The following VPS13D variants were observed in gnomAD, a reference collection of about 807,000 sequenced individuals.
VPS13D encodes the protein vacuolar protein sorting 13 homolog D, also known as intermembrane lipid transfer protein VPS13D.
A neutral mutation model predicts 461.9 loss-of-function variants in VPS13D; 187 were observed. The observed-to-expected ratio is 0.40, with a 90% confidence interval of 0.36 to 0.46. The LOEUF (loss-of-function observed/expected upper bound fraction) is 0.46, where lower values mean the gene tolerates loss of function less well. Ranked by LOEUF, VPS13D falls within the 20% of genes least tolerant of loss-of-function variation. The pLI, the probability that VPS13D is intolerant of heterozygous loss-of-function variation, is 0.60. For missense variants in VPS13D, 4,711 were observed against 5,364.9 expected (o/e 0.88, Z 3.81); for synonymous variants, 1,951 against 1,986.3 (o/e 0.98, Z 0.47).
intron 2 of VPS13D, 74 bp from the exon 3 acceptor site, chr1:12,242,439 C>A: frequency 7.4e-7 from 1 of 1,360,182 alleles, no homozygotes; most frequent in Non-Finnish European, 1.0e-6. Context: ...CTTTAACCTT[C>A]AATGCTTTAC....
In VPS13D at chr1:12,288,294, A is replaced by G; in HGVS notation, c.5706A>G (p.Val1902=). 2 of 1,614,150 alleles carry G rather than the reference A, an allele frequency of 1.2e-6. No individual in the cohort carries two copies. Among genetic ancestry groups the G allele is most frequent in the Non-Finnish European group, 1.7e-6 (2 of 1,179,958 alleles). ...CCAAAGCAAATGTGTCCAAATTAGTAGCACACCTGGAAATGATTGGTAAGT... is the reference window on the plus strand; with the variant it reads ...CCAAAGCAAATGTGTCCAAATTAGTGGCACACCTGGAAATGATTGGTAAGT... The part of the protein sequence containing the change: ...ELAKANVSKL[V]AHLEMIEGDL... Residue 1902 remains valine, a synonymous_variant, in exon 22 of 70, where the codon GTA becomes GTG. Coordinates refer to ENST00000620676, the MANE Select transcript of VPS13D (RefSeq NM_015378.4).
Position 12,278,021 on chromosome 1 carries a change from CTT to C in VPS13D, c.4435_4436del (p.Leu1479AlafsTer2). On this transcript the variant is annotated frameshift_variant, in exon 19 of 70. Transcript: ENST00000620676. LOFTEE classifies it high-confidence loss of function. The stretch of plus-strand genomic sequence containing the variant: ...TTCACACGACATGATTTCTTTGAAT[CTT>C]TGCATAGAGGTCAAGGTGAGGAGCA... The C allele has an allele frequency of 6.2e-7, 1 of 1,613,272 alleles. No homozygotes were observed. The highest frequency in any genetic ancestry group is 8.5e-7 in the Non-Finnish European group (1 of 1,179,570).
At chr1:12,288,559 C>G (rs1382148147) in intron 22 of VPS13D, among the ~76,000 whole-genome samples, 2 of 151,654 alleles carry the variant, frequency 1.3e-5, no homozygotes, top group Non-Finnish European at 2.9e-5. Flanking sequence ...TCTCTCATCT[C>G]CTTCCCAAGA....
rs1009408762 is a variant in VPS13D, at chr1:12,510,939, G to A, written c.*1915G>A. On this transcript the variant is annotated 3_prime_UTR_variant, in exon 70 of 70. Transcript: ENST00000620676. ...TGATCTCTTAAAAGATGAGACTCTCGGAAGGGTTGATTGTATGCGTCAGTG... is the reference window on the plus strand; with the variant it reads ...TGATCTCTTAAAAGATGAGACTCTCAGAAGGGTTGATTGTATGCGTCAGTG... The A allele has an allele frequency of 1.3e-5, 2 of 152,138 alleles. No homozygotes were observed. Among genetic ancestry groups the A allele is most frequent in the South Asian group, 2.1e-4 (1 of 4,826 alleles). The allele number at this position is 152,138 out of a possible 1,614,324, so 9.4% of individuals were successfully genotyped here.
chr1:12,443,917 C>T (rs927153844), intron 65 of VPS13D, among the ~76,000 whole-genome samples: 4 of 151,522 alleles, frequency 2.6e-5, no homozygotes, highest in African/African-American at 9.7e-5. Flanking sequence ...ACAATCTTGG[C>T]TCACTGCAAC....
chr1:12,324,735 G>T (rs1490355098), intron 35 of VPS13D, among the ~76,000 whole-genome samples: 2 of 152,226 alleles, frequency 1.3e-5, no homozygotes, highest in African/African-American at 4.8e-5. Context: ...GTTAACCACT[G>T]TTACTAGTGG....
In VPS13D at chr1:12,276,992, A is replaced by G. The variant is rs770676828; in HGVS notation, c.3404A>G (p.Asp1135Gly). ...FLQKSFPKEK[D>G]DLSPQPLMTD... ...CAAAAATCCTTTCCCAAGGAAAAAGATGATTTAAGTCCTCAACCTTTAATG... is the reference window on the plus strand; with the variant it reads ...CAAAAATCCTTTCCCAAGGAAAAAGGTGATTTAAGTCCTCAACCTTTAATG... The change falls in exon 19 of 70, where the codon GAT becomes GGT. Residue 1135 changes from aspartate to glycine, a missense_variant. Asp to Gly is a moderately conservative substitution (Grantham distance 94). Transcript: ENST00000620676. This position sits in a 1 kb window ranked among gnomAD's most constrained non-coding sequence, Gnocchi z 4.5. 3.7e-5 allele frequency: 59 copies of G among 1,614,054 alleles called. No individual in the cohort carries two copies. Among genetic ancestry groups the G allele is most frequent in the South Asian group, 3.2e-4 (29 of 91,082 alleles).
At chr1:12,401,901 A>G (rs954736688) in intron 62 of VPS13D, among the ~76,000 whole-genome samples, 197 bp downstream of exon 62, 5 of 152,214 alleles carry the variant, frequency 3.3e-5, no homozygotes, top group African/African-American at 1.2e-4. Context: ...ATCTCTGTGA[A>G]CTAAAGGAGC....
chr1:12,398,175 GCCCTTAT>G (rs1644524552), intron 60 of VPS13D, among the ~76,000 whole-genome samples: 1 of 152,146 alleles, frequency 6.6e-6, no homozygotes, highest in Non-Finnish European at 1.5e-5. Context: ...CAAGTCTCTT[GCCCTTAT>G]CCCTGCCCTG....
chr1:12,317,517 G>A (rs549648942), intron 30 of VPS13D, among the ~76,000 whole-genome samples: 1 of 151,654 alleles, frequency 6.6e-6, no homozygotes, highest in South Asian at 2.1e-4. Context: ...AGCATCCCTG[G>A]CCTCTACCTA....
intron 67 of VPS13D, among the ~76,000 whole-genome samples, chr1:12,477,041 C>T (rs1645639858): frequency 6.6e-6 from 1 of 152,228 alleles, no homozygotes; most frequent in Non-Finnish European, 1.5e-5. Context: ...AAGAAGTCTG[C>T]TTCTGCCCGG....
intron 67 of VPS13D, among the ~76,000 whole-genome samples, chr1:12,474,285 GT>G (rs1645601302): frequency 6.6e-6 from 1 of 152,214 alleles, no homozygotes; most frequent in South Asian, 2.1e-4. Flanking sequence ...AAAGCATTAC[GT>G]GGTTTGGAAA....
At chr1:12,405,511 C>A (rs577743976) in intron 63 of VPS13D, among the ~76,000 whole-genome samples, 9 of 152,224 alleles carry the variant, frequency 5.9e-5, no homozygotes, top group African/African-American at 2.2e-4. Flanking sequence ...TGGGGCCAAG[C>A]CACAGGGAGT....
chr1:12,421,037 C>T (rs1481706562), intron 65 of VPS13D, among the ~76,000 whole-genome samples: 1 of 152,172 alleles, frequency 6.6e-6, no homozygotes, highest in Non-Finnish European at 1.5e-5. Flanking sequence ...CTCATTTCAT[C>T]TCTGTTGTTT....
intron 54 of VPS13D, among the ~76,000 whole-genome samples, chr1:12,373,083 T>G (rs112036463): frequency 6.7e-6 from 1 of 149,920 alleles, no homozygotes; most frequent in African/African-American, 2.4e-5. Context: ...GTCCCTTGAA[T>G]TGTCTGGCTT....
At chr1:12,232,844 C>T (rs1640023768) in intron 1 of VPS13D, among the ~76,000 whole-genome samples, 1 of 151,700 alleles carries the variant, frequency 6.6e-6, no homozygotes. Flanking sequence ...CATTTAAGAA[C>T]AGTGATAAAG....
At chr1:12,358,269 G>C (rs1490640078) in intron 49 of VPS13D, among the ~76,000 whole-genome samples, 190 bp from the exon 50 acceptor site, 1 of 152,206 alleles carries the variant, frequency 6.6e-6, no homozygotes, top group Non-Finnish European at 1.5e-5. Context: ...TACTGTGGCT[G>C]CCTCTAAGAT....
At chr1:12,409,986 CA>C in intron 63 of VPS13D, 1 of 446,714 alleles carries the variant, frequency 2.2e-6, no homozygotes, top group Non-Finnish European at 4.5e-6. Context: ...AAGCAGAAAG[CA>C]GCTGCCAACA....
chr1:12,235,004 G>A (rs1033982217), intron 2 of VPS13D, among the ~76,000 whole-genome samples: 10 of 152,176 alleles, frequency 6.6e-5, no homozygotes, highest in Non-Finnish European at 1.2e-4. Flanking sequence ...TTTGGCATGG[G>A]AATTCGAAAA....
Sources: allele counts gnomAD v4.1 joint callset (sites outside exome capture counted in the v4.1 genomes callset), GRCh38; gene constraint gnomAD v4.1.1; non-coding constraint Gnocchi (gnomAD v3.1); transcripts MANE v1.5; gene names NCBI Gene and HGNC (gene_info 2026-07-23, HGNC 2026-07-21).